The following ANKS1B variants were observed in gnomAD, a reference collection of about 807,000 sequenced individuals.
ANKS1B encodes ankyrin repeat and sterile alpha motif domain-containing protein 1B.
In ANKS1B, 36 loss-of-function variants were observed where a neutral mutation model predicts 148.3. The ratio of observed to expected loss-of-function variants is 0.24; its 90% CI spans 0.19 to 0.32. The LOEUF (loss-of-function observed/expected upper bound fraction) is 0.32, where lower values mean the gene tolerates loss of function less well. ANKS1B is among the 10% of genes least tolerant of loss of function. The pLI is 1.00. For synonymous variants in ANKS1B, 542 were observed against 560.8 expected (o/e 0.97, Z 0.47); for missense variants, 1,157 against 1,542.6 (o/e 0.75, Z 4.19).
chr12:99,439,885 G>C (rs562480340), intron 11 of ANKS1B, among the ~76,000 whole-genome samples: 8 of 151,768 alleles, frequency 5.3e-5, no homozygotes, highest in Admixed American at 5.3e-4. Context: ...GGGAAACAAC[G>C]CAAGGATCAA....
At chr12:99,677,446 T>C (rs965525488) in intron 8 of ANKS1B, among the ~76,000 whole-genome samples, 5 of 152,178 alleles carry the variant, frequency 3.3e-5, no homozygotes, top group Non-Finnish European at 5.9e-5. Context: ...AGGAAAGGGA[T>C]GTGATTATTT....
chr12:99,810,015 A>G (rs2068134369), intron 3 of ANKS1B, among the ~76,000 whole-genome samples: 1 of 152,010 alleles, frequency 6.6e-6, no homozygotes, highest in African/African-American at 2.4e-5. Flanking sequence ...GGGATGAAGT[A>G]TTTTGCACAA....
intron 9 of ANKS1B, chr12:99,648,315 G>C: frequency 6.2e-7 from 1 of 1,614,160 alleles, no homozygotes; most frequent in South Asian, 1.1e-5. Context: ...CCATGTTTGA[G>C]AGCGACTTTA....
chr12:99,818,224 T>C (rs1204978958), intron 2 of ANKS1B, among the ~76,000 whole-genome samples: 1 of 151,776 alleles, frequency 6.6e-6, no homozygotes, highest in African/African-American at 2.4e-5. Context: ...TCTTTAAATA[T>C]TATTTAGGTT....
chr12:98,781,866 G>A (rs2098740309), intron 23 of ANKS1B, among the ~76,000 whole-genome samples: 1 of 152,188 alleles, frequency 6.6e-6, no homozygotes, highest in Non-Finnish European at 1.5e-5. Context: ...ATGCTGGACA[G>A]CCCAGGTAAC....
chr12:99,555,589 T>C (rs530752690), intron 9 of ANKS1B, among the ~76,000 whole-genome samples: 22 of 152,292 alleles, frequency 1.4e-4, no homozygotes, highest in Non-Finnish European at 2.6e-4. Context: ...CATAGATGTC[T>C]GTTATTATTT....
At chr12:99,975,713 T>A (rs2095618407) in intron 1 of ANKS1B, among the ~76,000 whole-genome samples, 1 of 152,228 alleles carries the variant, frequency 6.6e-6, no homozygotes, top group African/African-American at 2.4e-5. Flanking sequence ...CTTCTGGATA[T>A]TAGGCCTTTG....
At chr12:98,754,502 G>A (rs1566053881) in intron 25 of ANKS1B, among the ~76,000 whole-genome samples, 1 of 152,208 alleles carries the variant, frequency 6.6e-6, no homozygotes, top group Non-Finnish European at 1.5e-5. Context: ...ATTCCCATCT[G>A]TTGGGGACAT....
At chr12:99,767,462 A>T (rs1043188217) in intron 8 of ANKS1B, among the ~76,000 whole-genome samples, 7 of 152,022 alleles carry the variant, frequency 4.6e-5, no homozygotes, top group African/African-American at 1.7e-4. Context: ...TGCTCTAATG[A>T]TCTTTATCAT....
intron 8 of ANKS1B, among the ~76,000 whole-genome samples, chr12:99,671,368 CAG>C (rs138541004): frequency 0.019 from 2,938 of 152,072 alleles, 105 homozygotes; most frequent in African/African-American, 0.066. Context: ...TGGACTGAAA[CAG>C]AAATTAATAG....
At position 99,293,575 on chromosome 12, in the gene ANKS1B, A is replaced by G. The variant is rs115154621; in HGVS notation, c.1757-46711T>C. On this transcript the variant is annotated intron_variant, in intron 12 of 26. Transcript: ENST00000683438. ...TAAGATTTCAAGCTATGAAACTACT[A>G]AAAGAAAATGGGGAAACTCTCCAGG... Among the ~76,000 whole-genome samples, 1,202 of 152,312 alleles carry G rather than the reference A, an allele frequency of 7.9e-3. 16 individuals carry two copies. The highest frequency in any genetic ancestry group is 0.027 in the African/African-American group (1,124 of 41,546).
intron 24 of ANKS1B, among the ~76,000 whole-genome samples, chr12:98,774,841 T>C (rs1003422712): frequency 2.6e-5 from 4 of 152,208 alleles, no homozygotes; most frequent in African/African-American, 9.6e-5. Flanking sequence ...CCGTGGCCTT[T>C]TGTGTTGACA....
At chr12:99,456,230 A>G (rs1479005707) in intron 10 of ANKS1B, among the ~76,000 whole-genome samples, 2 of 152,150 alleles carry the variant, frequency 1.3e-5, no homozygotes. Context: ...GAAGAGCACC[A>G]TATCAAGAGA....
chr12:99,040,504 G>A (rs924679735), intron 17 of ANKS1B, among the ~76,000 whole-genome samples: 6 of 152,146 alleles, frequency 3.9e-5, no homozygotes, highest in Non-Finnish European at 2.9e-5. Context: ...GTTGTTAAAC[G>A]TATCTCTGTT....
chr12:99,953,953 G>A (rs560643210), intron 1 of ANKS1B, among the ~76,000 whole-genome samples: 2 of 151,064 alleles, frequency 1.3e-5, no homozygotes, highest in African/African-American at 2.4e-5. Flanking sequence ...TCTGGTAAAT[G>A]TAATAGGGGG....
chr12:98,871,671 C>G (rs2099669734), intron 17 of ANKS1B, among the ~76,000 whole-genome samples: 1 of 152,006 alleles, frequency 6.6e-6, no homozygotes, highest in South Asian at 2.1e-4. Context: ...ATTCAAGAAG[C>G]AGTTACACAT....
rs547497573 is a variant in ANKS1B at position 99,849,257 on chromosome 12, A to G, written c.135-23868T>C. Among the ~76,000 whole-genome samples the G allele has an allele frequency of 3.3e-5, 5 of 152,252 alleles. No homozygotes were observed. In the South Asian group the frequency reaches 6.2e-4, roughly 19 times the overall value. On this transcript the variant is annotated intron_variant, in intron 1 of 26. Coordinates refer to ENST00000683438, the MANE Select transcript of ANKS1B (RefSeq NM_001352186.2). ...GAATATTCAAATACCAAATATATAT[A>G]TGTGTGTGTGTATACATATATGTAT...
intron 9 of ANKS1B, among the ~76,000 whole-genome samples, chr12:99,557,508 C>T (rs1167135274): frequency 1.3e-5 from 2 of 152,152 alleles, no homozygotes; most frequent in African/African-American, 4.8e-5. Context: ...TCACCTCTAT[C>T]AGATGATTGT....
chr12:99,398,580 A>T (rs1390175427), intron 12 of ANKS1B, among the ~76,000 whole-genome samples: 1 of 152,152 alleles, frequency 6.6e-6, no homozygotes, highest in South Asian at 2.1e-4. Flanking sequence ...AAAACAGTTG[A>T]GAGGTCAAGG....
Sources: allele counts gnomAD v4.1 joint callset (sites outside exome capture counted in the v4.1 genomes callset), GRCh38; gene constraint gnomAD v4.1.1; transcripts MANE v1.5; gene names NCBI Gene and HGNC (gene_info 2026-07-23, HGNC 2026-07-21).